Variants in TIMD4 observed in about 807,000 individuals in gnomAD.
TIMD4 encodes the protein T-cell immunoglobulin and mucin domain-containing protein 4.
In TIMD4, 31 loss-of-function variants were observed where a neutral mutation model predicts 41.2. That is an observed-to-expected ratio of 0.75 (90% CI 0.57 to 1.01). The LOEUF (loss-of-function observed/expected upper bound fraction) is 1.01. Ranked by LOEUF, TIMD4 falls within the 50% of genes least tolerant of loss-of-function variation. TIMD4 has a pLI of 0.00. For missense variants in TIMD4, 479 were observed against 472.5 expected (o/e 1.01, Z -0.13); for synonymous variants, 204 against 177.1 (o/e 1.15, Z -1.21).
Position 156,963,140 on chromosome 5 carries a change from C to T in TIMD4, c.58+1G>A, listed in dbSNP as rs772716870. 1.9e-6 allele frequency: 3 copies of T among 1,613,904 alleles called. No individual in the cohort carries two copies. The highest frequency in any genetic ancestry group is 2.5e-6 in the Non-Finnish European group (3 of 1,179,926). ...TACATAGAAGGTTTCAGAACACTTA[C>T]TCAGGTAAAGCCACCAAAACTCAAT... On this transcript the variant is annotated splice_donor_variant, in intron 1 of 8. Transcript: ENST00000274532. LOFTEE classifies it high-confidence loss of function.
intron 1 of TIMD4, among the ~76,000 whole-genome samples, 194 bp downstream of exon 1, chr5:156,962,947 A>G (rs1184660279): frequency 1.3e-5 from 2 of 152,118 alleles, no homozygotes; most frequent in Non-Finnish European, 2.9e-5. Flanking sequence ...CCCCCAGACC[A>G]GTCTCTGGAT....
chr5:156,951,553 A>G lies in TIMD4; in HGVS notation c.638T>C (p.Leu213Pro), dbSNP rs759989066. 1.5e-5 allele frequency: 25 copies of G among 1,614,088 alleles called. No homozygotes were observed. The highest frequency in any genetic ancestry group is 8.0e-5 in the African/African-American group (6 of 74,932). Residue 213 changes from leucine to proline, a missense_variant, in exon 3 of 9, where the codon CTG becomes CCG. Physicochemically the swap from Leu to Pro is moderately conservative, Grantham distance 98. Transcript: ENST00000274532. ...CCCTTCCTTAGAAGGCTCGGGAGTC[A>G]GAAGACCTGTGGCTTCCTCCGGAAG... is the stretch of plus-strand genomic sequence containing the variant. ...STLPEEATGL[L>P]TPEPSKEGPI...
chr5:156,926,918 T>A (rs1457207031), intron 5 of TIMD4, among the ~76,000 whole-genome samples: 1 of 152,156 alleles, frequency 6.6e-6, no homozygotes, highest in Non-Finnish European at 1.5e-5. Flanking sequence ...GTATTCATAA[T>A]CTATAGTTGA....
chr5:156,954,772 C>T lies in TIMD4; in HGVS notation c.59-16G>A, dbSNP rs767834604. 44 of 1,584,186 alleles carry T rather than the reference C, an allele frequency of 2.8e-5. No individual in the cohort carries two copies. Among genetic ancestry groups the T allele is most frequent in the Non-Finnish European group, 3.7e-5 (43 of 1,164,244 alleles). ...GTGACTGGTGCTGCAAGGAAAAATG[C>T]GAAATTTAGGTCATGCAGTACTGAA... is the stretch of plus-strand genomic sequence containing the variant. On this transcript the variant is annotated splice_polypyrimidine_tract_variant and intron_variant, in intron 1 of 8. Transcript: ENST00000274532.
chr5:156,961,821 A>G (rs556271256), intron 1 of TIMD4, among the ~76,000 whole-genome samples: 9 of 144,016 alleles, frequency 6.2e-5, no homozygotes, highest in African/African-American at 1.3e-4. Flanking sequence ...AAAAAAAAAA[A>G]AAAAAAAAAA....
intron 6 of TIMD4, chr5:156,924,494 T>C: frequency 2.1e-6 from 1 of 472,268 alleles, no homozygotes; most frequent in Admixed American, 2.5e-5. Context: ...TTGGACTTGT[T>C]TTGGCTAGAG....
chr5:156,931,373 C>T lies in TIMD4; in HGVS notation c.845-5061G>A, dbSNP rs1014138090. 1.2e-3 allele frequency among the ~76,000 whole-genome samples: 181 copies of T among 152,200 alleles called. 1 individual carries two copies. Among genetic ancestry groups the T allele is most frequent in the Non-Finnish European group, 3.7e-4 (25 of 68,034 alleles). On this transcript the variant is annotated intron_variant, in intron 5 of 8. Transcript: ENST00000274532. ...AAAAGAACAGTTGTTCTGGGACAGG[C>T]ACAAGATATGAAAGGAAGATTGACT...
intron 6 of TIMD4, 103 bp from the exon 7 acceptor site, chr5:156,922,319 A>G: frequency 2.2e-6 from 2 of 901,076 alleles, no homozygotes; most frequent in Non-Finnish European, 3.6e-6. Context: ...CAGCAGTTTC[A>G]CTACATTTCA....
chr5:156,935,060 C>T (rs1422469275), intron 5 of TIMD4, among the ~76,000 whole-genome samples: 1 of 152,268 alleles, frequency 6.6e-6, no homozygotes, highest in Non-Finnish European at 1.5e-5. Flanking sequence ...CTCGGGCTTA[C>T]GCTGCCCCCT....
chr5:156,960,151 G>A (rs989172470), intron 1 of TIMD4, among the ~76,000 whole-genome samples: 1 of 151,960 alleles, frequency 6.6e-6, no homozygotes, highest in African/African-American at 2.4e-5. Context: ...CCTCCTTCAA[G>A]CAGGATTAGA....
At chr5:156,962,111 T>A (rs1753075413) in intron 1 of TIMD4, among the ~76,000 whole-genome samples, 2 of 151,942 alleles carry the variant, frequency 1.3e-5, no homozygotes, top group African/African-American at 4.8e-5. Flanking sequence ...GGCAGGTTAA[T>A]GGGTACAAAA....
intron 5 of TIMD4, among the ~76,000 whole-genome samples, chr5:156,931,767 T>C (rs1448197204): frequency 6.6e-6 from 1 of 152,212 alleles, no homozygotes; most frequent in Non-Finnish European, 1.5e-5. Flanking sequence ...CCCCTCAGCC[T>C]TCCTCACTGT....
At chr5:156,954,263 G>T (rs1426358039) in intron 2 of TIMD4, 152 bp downstream of exon 2, 1 of 734,242 alleles carries the variant, frequency 1.4e-6, no homozygotes. Flanking sequence ...GTATTTACTT[G>T]CCTACTTCAA....
chr5:156,923,142 AATTTT>A (rs1319299332), intron 6 of TIMD4, among the ~76,000 whole-genome samples: 5 of 137,238 alleles, frequency 3.6e-5, no homozygotes, highest in Non-Finnish European at 6.1e-5. Flanking sequence ...GCTGGGATTA[AATTTT>A]TTTTTTTTTT....
At chr5:156,957,796 C>G (rs559425291) in intron 1 of TIMD4, among the ~76,000 whole-genome samples, 1 of 151,990 alleles carries the variant, frequency 6.6e-6, no homozygotes, top group Non-Finnish European at 1.5e-5. Context: ...TCACTGGACT[C>G]CAGCCTGGGC....
At chr5:156,932,902 G>C (rs563285756) in intron 5 of TIMD4, among the ~76,000 whole-genome samples, 1 of 152,182 alleles carries the variant, frequency 6.6e-6, no homozygotes, top group East Asian at 1.9e-4. Context: ...TACTCCGGAG[G>C]TTGAGGCAAG....
rs774244018 is a variant in TIMD4 at position 156,954,542 on chromosome 5, C to A, written c.273G>T (p.Pro91=). Residue 91 remains proline (P), a synonymous_variant, in exon 2 of 9, where the codon CCG becomes CCT. Transcript: ENST00000274532. The part of the protein sequence containing the change: ...SAKYRLQGTI[P]RGDVSLTILN... ...AGATGGTCAAGGAGACATCACCTCTCGGGATAGTCCCCTGAAGTCTATATT... is the reference window on the plus strand; with the variant it reads ...AGATGGTCAAGGAGACATCACCTCTAGGGATAGTCCCCTGAAGTCTATATT... The A allele has an allele frequency of 2.5e-5, 41 of 1,614,128 alleles. No homozygotes were observed. Among genetic ancestry groups the A allele is most frequent in the Non-Finnish European group, 3.3e-5 (39 of 1,180,052 alleles).
At chr5:156,949,131 G>C (rs1432475022) in intron 4 of TIMD4, among the ~76,000 whole-genome samples, 5 of 152,212 alleles carry the variant, frequency 3.3e-5, no homozygotes, top group Non-Finnish European at 5.9e-5. Flanking sequence ...CTTATTTCAG[G>C]GTATACCCCG....
intron 5 of TIMD4, among the ~76,000 whole-genome samples, chr5:156,932,455 AT>A (rs1396870436): frequency 6.6e-6 from 1 of 152,210 alleles, no homozygotes; most frequent in East Asian, 1.9e-4. Flanking sequence ...AAGCTGCACA[AT>A]AGATATATAC....
Sources: gnomAD v4.1 joint callset for allele counts (sites outside exome capture counted in the v4.1 genomes callset) on GRCh38, gnomAD v4.1.1 for gene constraint, MANE v1.5 for transcripts, NCBI Gene and HGNC (gene_info 2026-07-23, HGNC 2026-07-21) for gene names.